WDPCP: variants seen among roughly 807,000 people sequenced by gnomAD.
WDPCP encodes the protein WD repeat containing planar cell polarity effector, also known as WD repeat-containing and planar cell polarity effector protein fritz homolog.
WDPCP carries 71 observed loss-of-function variants against 93.1 expected under a neutral mutation model. The observed-to-expected ratio is 0.76, with a 90% CI of 0.63 to 0.93. The LOEUF (loss-of-function observed/expected upper bound fraction) is 0.93. Ranked by LOEUF, WDPCP falls within the 40% of genes least tolerant of loss-of-function variation. The probability of loss-of-function intolerance (pLI) is 0.00; values close to 1 mark genes in which losing one functional copy is unlikely to be tolerated. For missense variants in WDPCP, 844 were observed against 887.4 expected (o/e 0.95, Z 0.62); for synonymous variants, 315 against 315.0 (o/e 1.00, Z 0.00).
chr2:63,682,006 A>G (rs1443345545), intron 2 of WDPCP, among the ~76,000 whole-genome samples: 1 of 152,264 alleles, frequency 6.6e-6, no homozygotes, highest in African/African-American at 2.4e-5. Context: ...CAATGCAGAT[A>G]CAACATAGAT....
At chr2:63,701,207 AT>A (rs1325776693) in intron 2 of WDPCP, among the ~76,000 whole-genome samples, 1 of 152,220 alleles carries the variant, frequency 6.6e-6, no homozygotes, top group African/African-American at 2.4e-5. Context: ...CTGAATAGAC[AT>A]TTTTCAAAAG....
At chr2:63,760,185 G>A (rs1027044523) in intron 2 of WDPCP, among the ~76,000 whole-genome samples, 2 of 152,114 alleles carry the variant, frequency 1.3e-5, no homozygotes, top group African/African-American at 4.8e-5. Context: ...ACTTTAAGAT[G>A]GTGACAACAG....
At chr2:63,210,889 G>A (rs1002227798) in intron 14 of WDPCP, among the ~76,000 whole-genome samples, 3 of 152,352 alleles carry the variant, frequency 2.0e-5, no homozygotes, top group African/African-American at 7.2e-5. Context: ...AAACTGCAAG[G>A]GGGCAGCAAG....
rs114458675 is a variant in WDPCP at position 63,355,287 on chromosome 2, T to C, written c.1748+23099A>G. On this transcript the variant is annotated intron_variant, in intron 12 of 17. Coordinates refer to ENST00000272321, the MANE Select transcript of WDPCP (RefSeq NM_015910.7). ...CAGGCCAGAAGAGATTGGGCACCTA[T>C]ATTCAACATTCTTAAAGAAAAAAAT... 7.3e-3 allele frequency among the ~76,000 whole-genome samples: 1,113 copies of C among 152,256 alleles called. 11 individuals carry two copies. The highest frequency in any genetic ancestry group is 0.022 in the African/African-American group (899 of 41,548).
intron 2 of WDPCP, among the ~76,000 whole-genome samples, chr2:63,662,427 G>C (rs929268688): frequency 6.6e-6 from 1 of 152,056 alleles, no homozygotes; most frequent in African/African-American, 2.4e-5. Context: ...ATTTATGACA[G>C]AAAACACGAG....
chr2:63,368,321 T>TTATTTATTTA (rs1691095245), intron 12 of WDPCP, among the ~76,000 whole-genome samples: 1 of 145,758 alleles, frequency 6.9e-6, no homozygotes, highest in African/African-American at 2.6e-5. Context: ...TTTATTTATT[T>TTATTTATTTA]ATTTATTTAT....
rs28504651 is a variant in WDPCP, at chr2:63,348,973, A to G, written c.1748+29413T>C. Among the ~76,000 whole-genome samples, 116 of 152,280 alleles carry G rather than the reference A, an allele frequency of 7.6e-4. No homozygotes were observed. The Middle Eastern group carries it at 0.01, about 13-fold the overall frequency. ...CCTGAAAACATGTTGAGATAGTGAG[A>G]TGTCCATAGAAGTTTTCAGAAATGT... On this transcript the variant is annotated intron_variant, in intron 12 of 17. Coordinates refer to ENST00000272321, the MANE Select transcript of WDPCP (RefSeq NM_015910.7).
At chr2:63,409,093 C>T (rs1043459142) in intron 9 of WDPCP, among the ~76,000 whole-genome samples, 3 of 152,196 alleles carry the variant, frequency 2.0e-5, no homozygotes, top group Non-Finnish European at 4.4e-5. Context: ...AGGCCAACGA[C>T]CACTAAAATA....
At chr2:63,693,138 T>C (rs1156706423) in intron 2 of WDPCP, among the ~76,000 whole-genome samples, 1 of 152,200 alleles carries the variant, frequency 6.6e-6, no homozygotes, top group Non-Finnish European at 1.5e-5. Context: ...TGGTCTTCCA[T>C]GCATTCACTC....
chr2:63,431,614 G>T (rs954378465), intron 9 of WDPCP, among the ~76,000 whole-genome samples: 3 of 150,052 alleles, frequency 2.0e-5, no homozygotes, highest in Non-Finnish European at 4.4e-5. Context: ...TGGTACTTTT[G>T]GTTCACGATA....
chr2:63,472,685 G>A (rs556784600), intron 6 of WDPCP, among the ~76,000 whole-genome samples: 6 of 151,904 alleles, frequency 3.9e-5, no homozygotes, highest in South Asian at 2.1e-4. Context: ...GCCTCCTCCC[G>A]AGTAGCTGGG....
Position 63,810,966 on chromosome 2 carries a change from G to A in WDPCP, n.308+2656C>T, listed in dbSNP as rs570993501. Among the ~76,000 whole-genome samples the A allele has an allele frequency of 1.4e-3, 213 of 152,328 alleles. 1 individual carries two copies. In the South Asian group the frequency reaches 0.018, roughly 13 times the overall value. On this transcript the variant is annotated intron_variant and non_coding_transcript_variant, in intron 2 of 4. Transcript: ENST00000467687. The stretch of plus-strand genomic sequence containing the variant: ...TCCTAGGACAATTGTAAGAAAATAG[G>A]AGACAAGTGAGAAAAACCAGCAAAA...
At chr2:63,443,931 A>G (rs1169931864) in intron 6 of WDPCP, among the ~76,000 whole-genome samples, 2 of 152,190 alleles carry the variant, frequency 1.3e-5, no homozygotes, top group Non-Finnish European at 1.5e-5. Context: ...ATGGAGAATC[A>G]AGAGTTTGAT....
At position 63,148,486 on chromosome 2, in the gene WDPCP, T is replaced by C. The variant is rs186086323; in HGVS notation, c.2190+4428A>G. Among the ~76,000 whole-genome samples, 315 of 152,136 alleles carry C rather than the reference T, an allele frequency of 2.1e-3. 2 individuals carry two copies. Among genetic ancestry groups the C allele is most frequent in the African/African-American group, 7.1e-3 (295 of 41,530 alleles). On this transcript the variant is annotated intron_variant, in intron 17 of 17. Coordinates refer to ENST00000272321, the MANE Select transcript of WDPCP (RefSeq NM_015910.7). ...TCCCGAGTAGCTGGGATTACAGGCG[T>C]GTACCACCACGCCAGCTAATATTTG...
intron 6 of WDPCP, among the ~76,000 whole-genome samples, chr2:63,447,735 G>C (rs1001947488): frequency 1.3e-5 from 2 of 151,976 alleles, no homozygotes; most frequent in Non-Finnish European, 2.9e-5. Context: ...AGTAAAAATA[G>C]GGAGGTAGAT....
chr2:63,195,835 A>G (rs1675390585), intron 14 of WDPCP, among the ~76,000 whole-genome samples: 1 of 152,230 alleles, frequency 6.6e-6, no homozygotes, highest in African/African-American at 2.4e-5. Context: ...ACACACTTAT[A>G]GACCATACAT....
At chr2:63,604,314 C>A (rs1709486419) in intron 3 of WDPCP, among the ~76,000 whole-genome samples, 1 of 152,186 alleles carries the variant, frequency 6.6e-6, no homozygotes, top group South Asian at 2.1e-4. Flanking sequence ...GAGAAGACAT[C>A]TCCAAGTAAA....
chr2:63,593,330 G>T, upstream of WDPCP: 1 of 284,116 alleles, frequency 3.5e-6, no homozygotes. Flanking sequence ...CCAACCTCAG[G>T]TGATCCGCCT....
chr2:63,338,625 T>A (rs1688626999), intron 12 of WDPCP, among the ~76,000 whole-genome samples: 3 of 133,224 alleles, frequency 2.3e-5, no homozygotes, highest in African/African-American at 7.9e-5. Context: ...TATGGATAAT[T>A]AGAAAAGACT....
Sources: gnomAD v4.1 joint callset for allele counts (sites outside exome capture counted in the v4.1 genomes callset) on GRCh38, gnomAD v4.1.1 for gene constraint, MANE v1.5 for transcripts, NCBI Gene and HGNC (gene_info 2026-07-23, HGNC 2026-07-21) for gene names.